The following ZFYVE26 variants were observed in gnomAD, a reference collection of about 807,000 sequenced individuals.
ZFYVE26 encodes zinc finger FYVE-type containing 26, also known as zinc finger FYVE domain-containing protein 26.
Under a neutral mutation model 276.5 loss-of-function variants are expected in ZFYVE26, and 181 were observed. The ratio of observed to expected loss-of-function variants is 0.65; its 90% CI spans 0.58 to 0.74. The LOEUF (loss-of-function observed/expected upper bound fraction) is 0.74, where lower values mean the gene tolerates loss of function less well. Ranked by LOEUF, ZFYVE26 falls within the 30% of genes least tolerant of loss-of-function variation. The pLI, the probability that ZFYVE26 is intolerant of heterozygous loss-of-function variation, is 0.00. For synonymous variants in ZFYVE26, 1,129 were observed against 1,203.1 expected (o/e 0.94, Z 1.27); for missense variants, 2,821 against 3,097.9 (o/e 0.91, Z 2.12).
Position 67,762,667 on chromosome 14 carries a change from C to T in ZFYVE26, c.6159+5G>A. The T allele has an allele frequency of 6.2e-7, 1 of 1,613,184 alleles. No individual in the cohort carries two copies. The highest frequency in any genetic ancestry group is 8.5e-7 in the Non-Finnish European group (1 of 1,180,002). On this transcript the variant is annotated splice_donor_5th_base_variant and intron_variant, in intron 33 of 41. Transcript: ENST00000347230. ...AAGTAAGCTTTGTCTTTGTCTTTGTCTCACCTCAACGCCCAGTTGGTAGTA... is the reference window on the plus strand; with the variant it reads ...AAGTAAGCTTTGTCTTTGTCTTTGTTTCACCTCAACGCCCAGTTGGTAGTA...
At chr14:67,783,552 C>T (rs754205839) in intron 20 of ZFYVE26, 27 bp from the exon 21 acceptor site, 1 of 1,608,896 alleles carries the variant, frequency 6.2e-7, no homozygotes, top group Admixed American at 1.7e-5. Flanking sequence ...AGAAAGCATA[C>T]AAGGCCTGAA....
chr14:67,806,720 T>G, intron 5 of ZFYVE26, 45 bp from the exon 6 acceptor site: 1 of 1,611,758 alleles, frequency 6.2e-7, no homozygotes, highest in Non-Finnish European at 8.5e-7. Flanking sequence ...AGAACTCTTC[T>G]TTTCTAAGCT....
At position 67,789,616 on chromosome 14, in the gene ZFYVE26, G is replaced by A. The variant is rs2039759697; in HGVS notation, c.2756-18C>T. 1 of 1,613,950 alleles carries A rather than the reference G, an allele frequency of 6.2e-7. No homozygotes were observed. The highest frequency in any genetic ancestry group is 2.2e-5 in the East Asian group (1 of 44,892). ...CACCATTCCTGGCCGCCCAGCAGAGGAATAAAAAGCAAAGGGTTAAAAGGA... is the reference window on the plus strand; with the variant it reads ...CACCATTCCTGGCCGCCCAGCAGAGAAATAAAAAGCAAAGGGTTAAAAGGA... On this transcript the variant is annotated intron_variant, in intron 15 of 41. Transcript: ENST00000347230.
chr14:67,759,395 G>C (rs2038874725), intron 35 of ZFYVE26, among the ~76,000 whole-genome samples: 1 of 152,060 alleles, frequency 6.6e-6, no homozygotes, highest in African/African-American at 2.4e-5. Flanking sequence ...GGAAGCCCAG[G>C]CAGGCGGATC....
At chr14:67,744,334 G>T (rs549529067), downstream of ZFYVE26, among the ~76,000 whole-genome samples, 2 of 152,120 alleles carry the variant, frequency 1.3e-5, no homozygotes, top group African/African-American at 4.8e-5. Context: ...TCTACTACCA[G>T]GTGGTTTTCA....
intron 9 of ZFYVE26, among the ~76,000 whole-genome samples, chr14:67,803,048 A>C (rs547005683): frequency 6.6e-6 from 1 of 152,354 alleles, no homozygotes; most frequent in Admixed American, 6.5e-5. Context: ...AATTACTATT[A>C]GTCAATTAAA....
rs1035808739 is a variant in ZFYVE26 at position 67,729,303 on chromosome 14, G to A, written n.3196C>T. ...GGCTCTTCTCCCCCTTTGTCAAGACGGCACGGGAGGGGGCGCAGACCAGCC... is the reference window on the plus strand; with the variant it reads ...GGCTCTTCTCCCCCTTTGTCAAGACAGCACGGGAGGGGGCGCAGACCAGCC... On this transcript the variant is annotated non_coding_transcript_exon_variant, in exon 14 of 15. Coordinates refer to the ZFYVE26 transcript ENST00000394455. 4 of 1,602,066 alleles carry A rather than the reference G, an allele frequency of 2.5e-6. No homozygotes were observed. Among genetic ancestry groups the A allele is most frequent in the East Asian group, 2.2e-5 (1 of 44,880 alleles).
intron 22 of ZFYVE26, 119 bp downstream of exon 22, chr14:67,781,214 C>G: frequency 8.0e-7 from 1 of 1,255,834 alleles, no homozygotes; most frequent in Non-Finnish European, 1.1e-6. Context: ...AAGCCAGATG[C>G]AAAGCAAAAC....
At chr14:67,795,058 C>T (rs1199259402) in intron 12 of ZFYVE26, among the ~76,000 whole-genome samples, 2 of 152,212 alleles carry the variant, frequency 1.3e-5, no homozygotes, top group African/African-American at 4.8e-5. Flanking sequence ...GGCTTCCTAA[C>T]ATGTTAGAGC....
chr14:67,813,571 GA>G (rs1197887922), intron 3 of ZFYVE26, among the ~76,000 whole-genome samples: 2 of 151,698 alleles, frequency 1.3e-5, no homozygotes, highest in Non-Finnish European at 2.9e-5. Context: ...TGAATTAATG[GA>G]ATTTGAATCT....
intron 31 of ZFYVE26, 79 bp from the exon 32 acceptor site, chr14:67,766,526 A>T: frequency 1.5e-6 from 2 of 1,349,778 alleles, no homozygotes; most frequent in South Asian, 2.4e-5. Flanking sequence ...GGGTGGCAGA[A>T]ATTATCCTTC....
chr14:67,779,726 G>A (rs770440676), intron 23 of ZFYVE26, among the ~76,000 whole-genome samples: 10 of 152,110 alleles, frequency 6.6e-5, no homozygotes, highest in African/African-American at 1.2e-4. Flanking sequence ...ATTCCACTTC[G>A]AGAAATACAT....
chr14:67,766,340 G>A lies in ZFYVE26; in HGVS notation c.5898C>T (p.Thr1966=). The A allele has an allele frequency of 6.2e-7, 1 of 1,613,414 alleles. No homozygotes were observed. ...GCAGCCCGGCATCCACCTCTGGGTT[G>A]GTGAGGCCCTTGGAGAGCCTGCAGC... The part of the protein sequence containing the change: ...EHCCRLSKGL[T]NPEVDAGLLT... Residue 1966 remains threonine, a synonymous_variant, in exon 32 of 42, where the codon ACC becomes ACT. Coordinates refer to ENST00000347230, the MANE Select transcript of ZFYVE26 (RefSeq NM_015346.4).
rs562279830 is a variant in ZFYVE26, at chr14:67,755,666, C to T, written c.6786+282G>A. 1.2e-4 allele frequency among the ~76,000 whole-genome samples: 18 copies of T among 152,328 alleles called. No individual in the cohort carries two copies. In the East Asian group the frequency reaches 3.3e-3, roughly 28 times the overall value. ...CCTTATGAATTCTACATTCACGCCT[C>T]ATGCTTATCTTGAAACTACCATTTA... On this transcript the variant is annotated intron_variant, in intron 36 of 41. Coordinates refer to ENST00000347230, the MANE Select transcript of ZFYVE26 (RefSeq NM_015346.4).
Position 67,762,220 on chromosome 14 carries a change from T to C in ZFYVE26, c.6352A>G (p.Arg2118Gly). Residue 2118 changes from arginine (R) to glycine (G), a missense_variant, in exon 34 of 42, where the codon AGG becomes GGG. Arg to Gly is a moderately radical substitution (Grantham distance 125). Transcript: ENST00000347230. ...GCTCTTACCAAGGATACAAAGGGCC[T>C]CACTGTGGACTCTAGGTACTCAACC... ...DVVEYLESTV[R>G]PFVSLQDDDY... 1 of 1,614,156 alleles carries C rather than the reference T, an allele frequency of 6.2e-7. No homozygotes were observed. Among genetic ancestry groups the C allele is most frequent in the South Asian group, 1.1e-5 (1 of 91,082 alleles).
At chr14:67,789,205 G>T in intron 16 of ZFYVE26, 130 bp downstream of exon 16, 2 of 1,307,032 alleles carry the variant, frequency 1.5e-6, no homozygotes, top group Non-Finnish European at 1.1e-6. Context: ...GATTGTATGT[G>T]ACAAAATTTC....
chr14:67,787,411 T>TG (rs2039686794), intron 16 of ZFYVE26, among the ~76,000 whole-genome samples: 1 of 151,914 alleles, frequency 6.6e-6, no homozygotes, highest in Non-Finnish European at 1.5e-5. Flanking sequence ...TAGCATAACA[T>TG]GGGGGCTACA....
rs1172354479 is a variant in ZFYVE26, at chr14:67,772,113, C to T, written c.5418G>A (p.Arg1806=). The change falls in exon 28 of 42, where the codon AGG becomes AGA. Residue 1806 remains arginine, a synonymous_variant. Coordinates refer to ENST00000347230, the MANE Select transcript of ZFYVE26 (RefSeq NM_015346.4). The part of the protein sequence containing the change: ...EFVPPATPPA[R]HQWVPDETES... The stretch of plus-strand genomic sequence containing the variant: ...CAGTCTCATCCGGTACCCACTGGTG[C>T]CTGGCAGGGGGTGTCGCTGGGGGCA... 2.5e-6 allele frequency: 4 copies of T among 1,612,836 alleles called. No individual in the cohort carries two copies. The highest frequency in any genetic ancestry group is 3.4e-6 in the Non-Finnish European group (4 of 1,179,714).
In ZFYVE26 at chr14:67,754,114, G is replaced by A; in HGVS notation, c.7085C>T (p.Thr2362Ile). The A allele has an allele frequency of 1.2e-6, 2 of 1,614,228 alleles. No individual in the cohort carries two copies. Among genetic ancestry groups the A allele is most frequent in the Non-Finnish European group, 8.5e-7 (1 of 1,180,050 alleles). ...TTTCATGTGGTTATTTCCAAACAGGGTTGGCAGAGGCAAAGTGGTGATTTG... is the reference window on the plus strand; with the variant it reads ...TTTCATGTGGTTATTTCCAAACAGGATTGGCAGAGGCAAAGTGGTGATTTG... ...TSQITTLPLP[T>I]LFGNNHMKMD... Residue 2362 changes from threonine (T) to isoleucine (I), a missense_variant, in exon 38 of 42, where the codon ACC becomes ATC. Physicochemically the swap from Thr to Ile is moderately conservative, Grantham distance 89. Transcript: ENST00000347230.
Sources: allele counts gnomAD v4.1 joint callset (sites outside exome capture counted in the v4.1 genomes callset), GRCh38; gene constraint gnomAD v4.1.1; transcripts MANE v1.5; gene names NCBI Gene and HGNC (gene_info 2026-07-23, HGNC 2026-07-21).